Variants in BABAM2 observed in about 807,000 individuals in gnomAD.
BABAM2 encodes BRISC and BRCA1-A complex member 2.
A neutral mutation model predicts 54.7 loss-of-function variants in BABAM2; 31 were observed. That is an observed-to-expected ratio of 0.57 (90% CI 0.43 to 0.77). The LOEUF is 0.77. Ranked by LOEUF, BABAM2 falls within the 30% of genes least tolerant of loss-of-function variation. The pLI, the probability that BABAM2 is intolerant of heterozygous loss-of-function variation, is 0.00. For missense variants in BABAM2, 364 were observed against 455.8 expected, an observed-to-expected ratio of 0.80 and a Z score of 1.83; for synonymous variants, 167 against 162.9, an observed-to-expected ratio of 1.03 and a Z score of -0.19.
chr2:27,962,878 TCA>T (rs1284598893), intron 3 of BABAM2, among the ~76,000 whole-genome samples: 2 of 152,246 alleles, frequency 1.3e-5, no homozygotes, highest in African/African-American at 2.4e-5. Flanking sequence ...GTAGCTACTA[TCA>T]TTAAAAAGAA....
intron 10 of BABAM2, among the ~76,000 whole-genome samples, chr2:28,283,045 A>G (rs1305487256): frequency 6.6e-6 from 1 of 150,408 alleles, no homozygotes; most frequent in South Asian, 2.1e-4. Context: ...AAAAAACCCC[A>G]TGCCTAACTA....
intron 4 of BABAM2, among the ~76,000 whole-genome samples, chr2:27,992,015 C>T (rs1474689696): frequency 6.6e-6 from 1 of 152,196 alleles, no homozygotes; most frequent in African/African-American, 2.4e-5. Context: ...TTCTCAGCAA[C>T]ACTTGCTATT....
At chr2:27,978,981 T>C (rs1410619980) in intron 3 of BABAM2, among the ~76,000 whole-genome samples, 3 of 152,204 alleles carry the variant, frequency 2.0e-5, no homozygotes, top group Non-Finnish European at 4.4e-5. Context: ...TCATTCTTTT[T>C]TATGGCTGTG....
rs550866560 is a variant in BABAM2 at position 28,198,076 on chromosome 2, A to C, written c.681-39126A>C. Among the ~76,000 whole-genome samples the C allele has an allele frequency of 5.3e-5, 8 of 152,276 alleles. No homozygotes were observed. The South Asian group carries it at 1.7e-3, about 32-fold the overall frequency. ...AGAAGGTAATCTGTGCTACAGAGGGAGAATGCAAGGAAATATGCTTATGTT... is the reference window on the plus strand; with the variant it reads ...AGAAGGTAATCTGTGCTACAGAGGGCGAATGCAAGGAAATATGCTTATGTT... On this transcript the variant is annotated intron_variant, in intron 7 of 11. Coordinates refer to ENST00000379624, the MANE Select transcript of BABAM2 (RefSeq NM_199191.3).
At position 28,338,559 on chromosome 2, in the gene BABAM2, T is replaced by C. The variant is rs116114067; in HGVS notation, c.*46T>C. 8.1e-4 allele frequency: 1,302 copies of C among 1,602,974 alleles called. 6 individuals carry two copies. In the African/African-American group the frequency reaches 0.013, roughly 16 times the overall value. On this transcript the variant is annotated 3_prime_UTR_variant, in exon 12 of 12. Transcript: ENST00000379624. ...TGGCCAGCCAGACTGCCTGTCCACA[T>C]GCGTGTCAGCACATACAGCCGCTTC...
chr2:28,161,757 G>A (rs779419743), intron 7 of BABAM2, among the ~76,000 whole-genome samples: 1 of 151,972 alleles, frequency 6.6e-6, no homozygotes, highest in Non-Finnish European at 1.5e-5. Context: ...AAAAAGTCTT[G>A]CACAGCAGTT....
chr2:27,967,944 C>T (rs1301040596), intron 3 of BABAM2, among the ~76,000 whole-genome samples: 3 of 152,114 alleles, frequency 2.0e-5, no homozygotes, highest in African/African-American at 7.2e-5. Flanking sequence ...CTGTTGAAAG[C>T]ATTCAGTTTT....
At chr2:28,193,479 A>G (rs1677161601) in intron 7 of BABAM2, among the ~76,000 whole-genome samples, 1 of 152,194 alleles carries the variant, frequency 6.6e-6, no homozygotes, top group South Asian at 2.1e-4. Context: ...CCTCATGTGT[A>G]AAATGACAGT....
At chr2:28,055,826 T>TA (rs1209712999) in intron 6 of BABAM2, among the ~76,000 whole-genome samples, 1 of 152,176 alleles carries the variant, frequency 6.6e-6, no homozygotes, top group Non-Finnish European at 1.5e-5. Context: ...AGAGCCAACA[T>TA]ATGGAAACAA....
chr2:28,010,955 G>GTTTA (rs1410577717), intron 4 of BABAM2, among the ~76,000 whole-genome samples: 1 of 152,134 alleles, frequency 6.6e-6, no homozygotes, highest in Admixed American at 6.5e-5. Flanking sequence ...TGATGTCTTT[G>GTTTA]TTTATCTCAT....
chr2:27,995,536 A>T lies in BABAM2; in HGVS notation c.300+7449A>T, dbSNP rs1035304720. Among the ~76,000 whole-genome samples, 1 of 152,048 alleles carries T rather than the reference A, an allele frequency of 6.6e-6. No individual in the cohort carries two copies. The highest frequency in any genetic ancestry group is 1.5e-5 in the Non-Finnish European group (1 of 68,004). ...CTAGATAATGGCAAACTTATCTTCC[A>T]GTTTATTATTTTTCCTATTAAACCC... On this transcript the variant is annotated intron_variant, in intron 4 of 11. Transcript: ENST00000379624. This position sits in a 1 kb window ranked among gnomAD's most constrained non-coding sequence, Gnocchi z 4.1.
chr2:28,310,092 A>C, intron 11 of BABAM2: 1 of 1,614,224 alleles, frequency 6.2e-7, no homozygotes, highest in East Asian at 2.2e-5. Context: ...AAGAGAGAGC[A>C]ACAGAGATGG....
At chr2:28,117,471 T>C (rs1391183406) in intron 6 of BABAM2, among the ~76,000 whole-genome samples, 2 of 152,150 alleles carry the variant, frequency 1.3e-5, no homozygotes, top group East Asian at 1.9e-4. Context: ...AGGAGCAGAT[T>C]GAATAGTCAA....
intron 2 of BABAM2, among the ~76,000 whole-genome samples, chr2:27,912,508 G>T (rs900159994): frequency 6.6e-6 from 1 of 152,136 alleles, no homozygotes; most frequent in Non-Finnish European, 1.5e-5. Context: ...AATTAAAAGA[G>T]TATGTAAGTC....
intron 3 of BABAM2, among the ~76,000 whole-genome samples, chr2:27,957,743 G>A (rs1670191536): frequency 6.6e-6 from 1 of 151,978 alleles, no homozygotes; most frequent in African/African-American, 2.4e-5. Flanking sequence ...CACTCCTCCA[G>A]GTATAATTTT....
At chr2:28,254,116 A>T (rs1358442303) in intron 10 of BABAM2, among the ~76,000 whole-genome samples, 1 of 152,216 alleles carries the variant, frequency 6.6e-6, no homozygotes, top group Non-Finnish European at 1.5e-5. Context: ...GGTGATTTAG[A>T]TGTGGGAGTA....
chr2:27,908,750 T>C (rs1409087236), intron 2 of BABAM2, among the ~76,000 whole-genome samples: 2 of 152,214 alleles, frequency 1.3e-5, no homozygotes, highest in Admixed American at 6.5e-5. Flanking sequence ...GATAATGGCC[T>C]GCAGCTGCAT....
chr2:28,099,574 CT>C (rs965763335), intron 6 of BABAM2, among the ~76,000 whole-genome samples: 4 of 152,102 alleles, frequency 2.6e-5, no homozygotes, highest in Middle Eastern at 6.3e-3. Flanking sequence ...TTAATGTGAT[CT>C]TTTTTTCTAT....
chr2:28,124,663 A>G (rs1669349469), intron 6 of BABAM2, among the ~76,000 whole-genome samples: 1 of 152,196 alleles, frequency 6.6e-6, no homozygotes, highest in South Asian at 2.1e-4. Context: ...GCTAACATTG[A>G]GTGGTTTCCA....
Sources: gnomAD v4.1 joint callset for allele counts (sites outside exome capture counted in the v4.1 genomes callset) on GRCh38, gnomAD v4.1.1 for gene constraint, Gnocchi (gnomAD v3.1) non-coding constraint, MANE v1.5 for transcripts, NCBI Gene and HGNC (gene_info 2026-07-23, HGNC 2026-07-21) for gene names.